TRIP13: variants seen among roughly 807,000 people sequenced by gnomAD.
TRIP13 encodes the protein thyroid hormone receptor interactor 13, also known as pachytene checkpoint protein 2 homolog.
Under a neutral mutation model 54.4 loss-of-function variants are expected in TRIP13, and 25 were observed. The ratio of observed to expected loss-of-function variants is 0.46; its 90% CI spans 0.33 to 0.64. TRIP13 has a LOEUF of 0.64. Ranked by LOEUF, TRIP13 falls within the 30% of genes least tolerant of loss-of-function variation. The probability of loss-of-function intolerance (pLI) is 0.02; values close to 1 mark genes in which losing one functional copy is unlikely to be tolerated. For missense variants in TRIP13, 373 were observed against 534.2 expected (o/e 0.70, Z 2.97); for synonymous variants, 207 against 207.8 (o/e 1.00, Z 0.03).
At position 908,153 on chromosome 5, in the gene TRIP13, C is replaced by G; in HGVS notation, c.759+79C>G. The G allele has an allele frequency of 6.5e-7, 1 of 1,533,954 alleles. No homozygotes were observed. The highest frequency in any genetic ancestry group is 9.0e-7 in the Non-Finnish European group (1 of 1,108,202). ...GGGACACAGCCTACTCCTGATGCTC[C>G]TAGCTTTCCCCTCCTACAGCCGGGC... On this transcript the variant is annotated intron_variant, in intron 8 of 12. Coordinates refer to ENST00000166345, the MANE Select transcript of TRIP13 (RefSeq NM_004237.4). The surrounding 1 kb of genome is among the most constrained non-coding windows in gnomAD (Gnocchi z 5.2).
At chr5:900,648 T>C in intron 4 of TRIP13, 99 bp downstream of exon 4, 7 of 1,285,106 alleles carry the variant, frequency 5.4e-6, no homozygotes, top group Non-Finnish European at 7.6e-6. Flanking sequence ...TGCAGATGGG[T>C]TTTTGGGAGC....
chr5:915,632 G>C lies in TRIP13; in HGVS notation c.1134-272G>C, dbSNP rs1299400031. ...GGGCAGAGCACACAGGTGTGCCTTG[G>C]GTGTGCTTCAGAGCCGCGAGGACAC... On this transcript the variant is annotated intron_variant, in intron 11 of 12. Coordinates refer to ENST00000166345, the MANE Select transcript of TRIP13 (RefSeq NM_004237.4). This position sits in a 1 kb window ranked among gnomAD's most constrained non-coding sequence, Gnocchi z 4.2. Among the ~76,000 whole-genome samples the C allele has an allele frequency of 2.6e-5, 4 of 152,214 alleles. No individual in the cohort carries two copies. The highest frequency in any genetic ancestry group is 4.4e-5 in the Non-Finnish European group (3 of 68,034).
rs147349218 is a variant in TRIP13, at chr5:917,209, G to A, written c.*106G>A. On this transcript the variant is annotated 3_prime_UTR_variant, in exon 13 of 13. Transcript: ENST00000166345. ...AGGGAATCCCTTCTGCAAACCAAAC[G>A]TTACTTAGACTGCAAGCTAGAAAGC... is the stretch of plus-strand genomic sequence containing the variant. The A allele has an allele frequency of 2.7e-4, 289 of 1,062,970 alleles. 2 individuals carry two copies. The East Asian group carries it at 7.1e-3, about 26-fold the overall frequency. The allele number at this position is 1,062,970 out of a possible 1,614,324, so 65.8% of individuals were successfully genotyped here.
Position 907,074 on chromosome 5 carries a change from G to A in TRIP13, c.609-56G>A, listed in dbSNP as rs1016748940. ...CATTCAGGACGCGTGAATGGCTGCC[G>A]CTGAGGATCCACAGGACCAGTTAGT... On this transcript the variant is annotated intron_variant, in intron 6 of 12. Coordinates refer to ENST00000166345, the MANE Select transcript of TRIP13 (RefSeq NM_004237.4). The surrounding 1 kb of genome is among the most constrained non-coding windows in gnomAD (Gnocchi z 4.1). The A allele has an allele frequency of 2.8e-5, 42 of 1,503,846 alleles. No individual in the cohort carries two copies. Among genetic ancestry groups the A allele is most frequent in the East Asian group, 6.8e-5 (3 of 44,286 alleles). The allele number at this position is 1,503,846 out of a possible 1,614,324, so 93.2% of individuals were successfully genotyped here. A position where few individuals can be genotyped will look rare whatever the true frequency, so the allele number is the denominator to read the frequency against.
At position 917,240 on chromosome 5, in the gene TRIP13, A is replaced by C. The variant is rs551082561; in HGVS notation, c.*137A>C. 1.7e-5 allele frequency: 12 copies of C among 713,588 alleles called. No homozygotes were observed. The African/African-American group carries it at 2.2e-4, about 13-fold the overall frequency. 44.2% of individuals were successfully genotyped at this position (713,588 alleles called of 1,614,324 possible). On this transcript the variant is annotated 3_prime_UTR_variant, in exon 13 of 13. Transcript: ENST00000166345. ...TAGACTGCAAGCTAGAAAGCCACCA[A>C]GGCCAGGCTTTGTTAAAAGAAGTGT... is the stretch of plus-strand genomic sequence containing the variant.
Position 911,012 on chromosome 5 carries a change from C to T in TRIP13, c.867-831C>T, listed in dbSNP as rs1754219340. Among the ~76,000 whole-genome samples, 1 of 152,246 alleles carries T rather than the reference C, an allele frequency of 6.6e-6. No individual in the cohort carries two copies. Among genetic ancestry groups the T allele is most frequent in the African/African-American group, 2.4e-5 (1 of 41,466 alleles). The stretch of plus-strand genomic sequence containing the variant: ...GCACTGCCACATGTGCAGCCACGCC[C>T]CCCAGGCCTGTGCAGCATGCTCCCT... On this transcript the variant is annotated intron_variant, in intron 9 of 12. Transcript: ENST00000166345. This position sits in a 1 kb window ranked among gnomAD's most constrained non-coding sequence, Gnocchi z 4.7.
chr5:902,116 A>C (rs1754005245), intron 5 of TRIP13, among the ~76,000 whole-genome samples: 1 of 152,232 alleles, frequency 6.6e-6, no homozygotes, highest in African/African-American at 2.4e-5. Flanking sequence ...GTGAGGAGTA[A>C]ACTGAAAAAG....
Position 908,681 on chromosome 5 carries a change from A to C in TRIP13, c.866+220A>C, listed in dbSNP as rs1027562475. On this transcript the variant is annotated intron_variant, in intron 9 of 12. Transcript: ENST00000166345. The surrounding 1 kb of genome is among the most constrained non-coding windows in gnomAD (Gnocchi z 5.2). ...TGTGTTAAAAATGTAATAGAAGGCC[A>C]GGCGCGGTGGCTCACACCTGTAATC... 1 of 1,326,488 alleles carries C rather than the reference A, an allele frequency of 7.5e-7. No individual in the cohort carries two copies. The highest frequency in any genetic ancestry group is 9.7e-7 in the Non-Finnish European group (1 of 1,028,596). 82.2% of individuals were successfully genotyped at this position (1,326,488 alleles called of 1,614,324 possible).
chr5:901,193 C>G (rs1310917783), intron 4 of TRIP13, 148 bp from the exon 5 acceptor site: 5 of 557,282 alleles, frequency 9.0e-6, no homozygotes, highest in Non-Finnish European at 1.6e-5. Context: ...GAAATGAAAG[C>G]GTTTGGAGGT....
At chr5:904,910 T>C (rs964782780) in intron 6 of TRIP13, among the ~76,000 whole-genome samples, 1 of 152,248 alleles carries the variant, frequency 6.6e-6, no homozygotes, top group Admixed American at 6.5e-5. Context: ...TTTAATGTTC[T>C]GTCTGCTAAT....
intron 12 of TRIP13, among the ~76,000 whole-genome samples, chr5:916,511 C>G (rs1173316848): frequency 6.6e-6 from 1 of 152,262 alleles, no homozygotes; most frequent in African/African-American, 2.4e-5. Flanking sequence ...AGAAGTGACT[C>G]AGGCTCTGTC....
At position 908,382 on chromosome 5, in the gene TRIP13, G is replaced by T. The variant is rs201561474; in HGVS notation, c.787G>T (p.Ala263Ser). ...GGAGAGTCTCACAGCCGCCCGAAAT[G>T]CCTGCAGGGCGGGCACCGAGCCATC... Reference protein sequence around the residue: ...EVESLTAARNACRAGTEPSDA... With the variant: ...EVESLTAARNSCRAGTEPSDA... The change falls in exon 9 of 13, where the codon GCC (alanine) becomes TCC (serine). Residue 263 changes from alanine to serine, a missense_variant. By Grantham distance (99) the Ala-to-Ser change is moderately conservative. Transcript: ENST00000166345. The surrounding 1 kb of genome is among the most constrained non-coding windows in gnomAD (Gnocchi z 5.2). 1.2e-6 allele frequency: 2 copies of T among 1,612,860 alleles called. No individual in the cohort carries two copies. Among genetic ancestry groups the T allele is most frequent in the African/African-American group, 2.7e-5 (2 of 75,062 alleles).
At chr5:901,083 G>A (rs1029898582) in intron 4 of TRIP13, among the ~76,000 whole-genome samples, 1 of 152,102 alleles carries the variant, frequency 6.6e-6, no homozygotes, top group Non-Finnish European at 1.5e-5. Context: ...GTTTAATGTT[G>A]GCACTTTAAA....
chr5:895,061 C>A, intron 2 of TRIP13, 109 bp downstream of exon 2: 1 of 1,283,214 alleles, frequency 7.8e-7, no homozygotes, highest in Non-Finnish European at 1.1e-6. Flanking sequence ...GTTCACTTCT[C>A]TGTTGGTTTG....
Position 912,742 on chromosome 5 carries a change from C to CT in TRIP13, c.1020+747dup, listed in dbSNP as rs1314267468. 6.6e-6 allele frequency among the ~76,000 whole-genome samples: 1 copy of CT among 151,832 alleles called. No individual in the cohort carries two copies. Among genetic ancestry groups the CT allele is most frequent in the African/African-American group, 2.4e-5 (1 of 41,310 alleles). On this transcript the variant is annotated intron_variant, in intron 10 of 12. Coordinates refer to ENST00000166345, the MANE Select transcript of TRIP13 (RefSeq NM_004237.4). This position sits in a 1 kb window ranked among gnomAD's most constrained non-coding sequence, Gnocchi z 7.2. ...AACGCCGTCGCCATGGGCAGTGACG[C>CT]TGCGGTGTGTGTGAGTCAGGCTAGC... is the stretch of plus-strand genomic sequence containing the variant.
Position 894,265 on chromosome 5 carries a change from G to A in TRIP13, c.93-522G>A, listed in dbSNP as rs554445748. 7.1e-4 allele frequency among the ~76,000 whole-genome samples: 108 copies of A among 152,232 alleles called. 2 individuals are homozygous for A. Among genetic ancestry groups the A allele is most frequent in the Non-Finnish European group, 1.1e-3 (77 of 68,018 alleles). On this transcript the variant is annotated intron_variant, in intron 1 of 12. Coordinates refer to ENST00000166345, the MANE Select transcript of TRIP13 (RefSeq NM_004237.4). ...ATAGCAGGGCACAGAGGTGTGATCC[G>A]GGACCAGGTCACTGTTGTAGAAAGG... is the stretch of plus-strand genomic sequence containing the variant.
rs1451638757 is a variant in TRIP13 at position 913,595 on chromosome 5, A to C, written c.1021-870A>C. Among the ~76,000 whole-genome samples, 1 of 152,150 alleles carries C rather than the reference A, an allele frequency of 6.6e-6. No homozygotes were observed. The highest frequency in any genetic ancestry group is 1.9e-4 in the East Asian group (1 of 5,180). On this transcript the variant is annotated intron_variant, in intron 10 of 12. Transcript: ENST00000166345. The surrounding 1 kb of genome is among the most constrained non-coding windows in gnomAD (Gnocchi z 4.5). ...GGTCTCAAACTCCTGACCTCAAGTG[A>C]TCCGCCCACCTCAGCCTTCCAAAGT...
intron 1 of TRIP13, 35 bp downstream of exon 1, chr5:893,125 CCCACCCGCCCCGACCCCAGCGCGT>C: frequency 3.9e-6 from 6 of 1,520,188 alleles, no homozygotes; most frequent in Non-Finnish European, 5.3e-6. Flanking sequence ...CCTCTGGGCA[CCCACCCGCCCCGACCCCAGCGCGT>C]GCACCGAGCC....
At chr5:916,673 G>T (rs1282913985) in intron 12 of TRIP13, among the ~76,000 whole-genome samples, 1 of 152,180 alleles carries the variant, frequency 6.6e-6, no homozygotes, top group Non-Finnish European at 1.5e-5. Context: ...GGGACATAGG[G>T]TGGGCCCTCC....
Sources: allele counts gnomAD v4.1 joint callset (sites outside exome capture counted in the v4.1 genomes callset), GRCh38; gene constraint gnomAD v4.1.1; non-coding constraint Gnocchi (gnomAD v3.1); transcripts MANE v1.5; gene names NCBI Gene and HGNC (gene_info 2026-07-23, HGNC 2026-07-21).